Variants in CFAP300 observed in about 807,000 individuals in gnomAD.
CFAP300 encodes cilia- and flagella-associated protein 300.
In CFAP300, 32 loss-of-function variants were observed where a neutral mutation model predicts 33.0. The observed-to-expected ratio is 0.97, with a 90% CI of 0.73 to 1.30. The LOEUF (loss-of-function observed/expected upper bound fraction) is 1.30. Ranked by LOEUF, CFAP300 falls within the 50% of genes most tolerant of loss-of-function variation. The pLI is 0.00. For synonymous variants in CFAP300, 102 were observed against 106.8 expected (o/e 0.95, Z 0.28); for missense variants, 356 against 318.1 (o/e 1.12, Z -0.90).
In CFAP300 at chr11:102,057,402, A is replaced by G. The variant is rs573749347; in HGVS notation, c.193-1478A>G. 2.0e-5 allele frequency among the ~76,000 whole-genome samples: 3 copies of G among 151,372 alleles called. No homozygotes were observed. The South Asian group carries it at 6.3e-4, about 32-fold the overall frequency. On this transcript the variant is annotated intron_variant, in intron 2 of 6. Coordinates refer to ENST00000434758, the MANE Select transcript of CFAP300 (RefSeq NM_032930.3). ...ATGCACCAGCAGCTGACTCAAGCTG[A>G]AAAGGCAGAAGAAAATTTAGGTTTG...
chr11:102,054,671 G>A (rs1485565710), intron 2 of CFAP300, among the ~76,000 whole-genome samples: 2 of 148,026 alleles, frequency 1.4e-5, no homozygotes, highest in Non-Finnish European at 3.0e-5. Flanking sequence ...GGAGGCTGCA[G>A]TGAGCTGAGA....
intron 3 of CFAP300, among the ~76,000 whole-genome samples, chr11:102,059,866 A>G (rs532528595): frequency 6.7e-6 from 1 of 149,642 alleles, no homozygotes; most frequent in East Asian, 2.0e-4. Context: ...GCTGGAGTGC[A>G]GTGGTGCCTC....
At chr11:102,061,311 A>T (rs1942146544) in intron 3 of CFAP300, among the ~76,000 whole-genome samples, 1 of 151,972 alleles carries the variant, frequency 6.6e-6, no homozygotes, top group South Asian at 2.1e-4. Context: ...TTTCTGAAAT[A>T]CCCCCCTCTT....
intron 3 of CFAP300, among the ~76,000 whole-genome samples, chr11:102,064,573 A>C (rs982116213): frequency 6.6e-6 from 1 of 152,212 alleles, no homozygotes; most frequent in African/African-American, 2.4e-5. Context: ...CATGACTCTC[A>C]AGTGGACAGC....
chr11:102,063,810 C>T (rs1000682600), intron 3 of CFAP300, among the ~76,000 whole-genome samples: 9 of 151,834 alleles, frequency 5.9e-5, no homozygotes, highest in African/African-American at 1.9e-4. Context: ...CAGAGTGAGA[C>T]CTTGTTGAAG....
chr11:102,079,743 A>C (rs777871315), intron 5 of CFAP300, among the ~76,000 whole-genome samples: 14 of 152,244 alleles, frequency 9.2e-5, no homozygotes, highest in Non-Finnish European at 1.9e-4. Context: ...TCACACATTA[A>C]TAATACCTTT....
chr11:102,066,651 A>C lies in CFAP300; in HGVS notation c.435A>C (p.Arg145Ser). 2 of 1,590,280 alleles carry C rather than the reference A, an allele frequency of 1.3e-6. No homozygotes were observed. The highest frequency in any genetic ancestry group is 1.7e-6 in the Non-Finnish European group (2 of 1,174,648). ...DPFLISDELR[R>S]VLLVEDSEKY... ...TTCTCATTTCTGATGAGTTACGAAGAGTAAGTACAGAATTTTAAAATTTCG... is the reference window on the plus strand; with the variant it reads ...TTCTCATTTCTGATGAGTTACGAAGCGTAAGTACAGAATTTTAAAATTTCG... The change falls in exon 4 of 7, where the codon AGA becomes AGC. Residue 145 changes from arginine to serine, a missense_variant and splice_region_variant. Arg to Ser is a moderately radical substitution (Grantham distance 110, BLOSUM62 -1). Coordinates refer to ENST00000434758, the MANE Select transcript of CFAP300 (RefSeq NM_032930.3).
In CFAP300 at chr11:102,071,989, G is replaced by T. The variant is rs561067563; in HGVS notation, c.436-3884G>T. Among the ~76,000 whole-genome samples, 4 of 152,180 alleles carry T rather than the reference G, an allele frequency of 2.6e-5. No homozygotes were observed. In the South Asian group the frequency reaches 8.3e-4, roughly 32 times the overall value. On this transcript the variant is annotated intron_variant, in intron 4 of 6. Transcript: ENST00000434758. Reference sequence around the variant, plus strand: ...CCTTTTTGGGTTGTACTTATTTGGGGATCTTTAAGGTTCCTGTATCTGGTC... The same window carrying T: ...CCTTTTTGGGTTGTACTTATTTGGGTATCTTTAAGGTTCCTGTATCTGGTC...
rs372427010 is a variant in CFAP300 at position 102,083,379 on chromosome 11, G to A, written c.*180G>A. The stretch of plus-strand genomic sequence containing the variant: ...TAAAAATTTGTGTGGAATACTAACC[G>A]GGGATCAAATTTCATCCATAATAAA... On this transcript the variant is annotated 3_prime_UTR_variant, in exon 7 of 7. Coordinates refer to ENST00000434758, the MANE Select transcript of CFAP300 (RefSeq NM_032930.3). The A allele has an allele frequency of 3.7e-5, 13 of 353,696 alleles. No individual in the cohort carries two copies. Among genetic ancestry groups the A allele is most frequent in the East Asian group, 1.4e-4 (3 of 20,736 alleles). 21.9% of individuals were successfully genotyped at this position (353,696 alleles called of 1,614,324 possible). A position where few individuals can be genotyped will look rare whatever the true frequency, so the allele number is the denominator to read the frequency against.
At chr11:102,072,846 T>A (rs891513753) in intron 4 of CFAP300, among the ~76,000 whole-genome samples, 4 of 152,176 alleles carry the variant, frequency 2.6e-5, no homozygotes, top group Admixed American at 6.5e-5. Flanking sequence ...CATTTTGGTT[T>A]TGATTCTGGG....
chr11:102,063,530 G>A (rs1942181851), intron 3 of CFAP300, among the ~76,000 whole-genome samples: 1 of 152,190 alleles, frequency 6.6e-6, no homozygotes, highest in Non-Finnish European at 1.5e-5. Context: ...ATACTGGAAT[G>A]AGTGAAAATT....
chr11:102,057,659 C>T (rs1942080494), intron 2 of CFAP300, among the ~76,000 whole-genome samples: 1 of 152,222 alleles, frequency 6.6e-6, no homozygotes, highest in South Asian at 2.1e-4. Flanking sequence ...AACTCCCTTG[C>T]ATCCAGATAG....
rs573547618 is a variant in CFAP300 at position 102,067,183 on chromosome 11, C to T, written c.435+532C>T. On this transcript the variant is annotated intron_variant, in intron 4 of 6. Transcript: ENST00000434758. The stretch of plus-strand genomic sequence containing the variant: ...AGCAAAACCCTGTCCACAAAAACTA[C>T]GAAAGTTAGCCAAGGCTGGTGGCTC... Among the ~76,000 whole-genome samples the T allele has an allele frequency of 1.9e-3, 283 of 152,214 alleles. 1 individual carries two copies. The highest frequency in any genetic ancestry group is 2.4e-3 in the Non-Finnish European group (160 of 68,022).
chr11:102,069,676 G>A lies in CFAP300; in HGVS notation c.435+3025G>A, dbSNP rs186855461. On this transcript the variant is annotated intron_variant, in intron 4 of 6. Transcript: ENST00000434758. ...AAATTAGCCAGACATGGTGGCATGC[G>A]CCTGTAATCCCAGCTACTAGGGAGG... is the stretch of plus-strand genomic sequence containing the variant. Among the ~76,000 whole-genome samples, 353 of 152,056 alleles carry A rather than the reference G, an allele frequency of 2.3e-3. 1 individual carries two copies. Among genetic ancestry groups the A allele is most frequent in the African/African-American group, 7.7e-3 (321 of 41,482 alleles).
intron 3 of CFAP300, among the ~76,000 whole-genome samples, chr11:102,060,754 T>A (rs545958582): frequency 1.3e-5 from 2 of 152,250 alleles, no homozygotes; most frequent in African/African-American, 4.8e-5. Flanking sequence ...TTTTGGTAAA[T>A]TACACAAAAG....
At chr11:102,069,892 A>G (rs1320826549) in intron 4 of CFAP300, among the ~76,000 whole-genome samples, 3 of 152,148 alleles carry the variant, frequency 2.0e-5, no homozygotes, top group Non-Finnish European at 2.9e-5. Context: ...GCCTGAACTC[A>G]GGAAGTTGAA....
intron 2 of CFAP300, among the ~76,000 whole-genome samples, chr11:102,055,275 G>A (rs978394257): frequency 6.6e-6 from 1 of 151,650 alleles, no homozygotes; most frequent in Admixed American, 6.6e-5. Context: ...CACCGCACCC[G>A]GCCTATGATA....
chr11:102,062,045 T>C (rs1942156099), intron 3 of CFAP300, among the ~76,000 whole-genome samples: 1 of 151,990 alleles, frequency 6.6e-6, no homozygotes, highest in South Asian at 2.1e-4. Context: ...CTTTGGAAAA[T>C]AAATTAGGTT....
Position 102,081,260 on chromosome 11 carries a change from T to G in CFAP300, c.654T>G (p.Ser218=). ...PQTKKIQITS[S]VFKVSAYDSA... ...CCAAGAAAATACAGATTACCTCTTC[T>G]GTCTTTAAAGTTTCAGCTTATGTAA... Residue 218 remains serine, a synonymous_variant, in exon 6 of 7, where the codon TCT becomes TCG. Coordinates refer to ENST00000434758, the MANE Select transcript of CFAP300 (RefSeq NM_032930.3). 2 of 1,612,092 alleles carry G rather than the reference T, an allele frequency of 1.2e-6. No individual in the cohort carries two copies.
Sources: gnomAD v4.1 joint callset for allele counts (sites outside exome capture counted in the v4.1 genomes callset) on GRCh38, gnomAD v4.1.1 for gene constraint, MANE v1.5 for transcripts, NCBI Gene and HGNC (gene_info 2026-07-23, HGNC 2026-07-21) for gene names.